PTPN4: variants seen among roughly 807,000 people sequenced by gnomAD.
The protein encoded by PTPN4 is tyrosine-protein phosphatase non-receptor type 4.
Under a neutral mutation model 135.5 loss-of-function variants are expected in PTPN4, and 49 were observed. The ratio of observed to expected loss-of-function variants is 0.36; its 90% CI spans 0.29 to 0.46. The LOEUF (loss-of-function observed/expected upper bound fraction) is 0.46, where lower values mean the gene tolerates loss of function less well. Among genes scored for constraint, PTPN4 ranks in the 20% least tolerant of loss-of-function variants. The pLI, the probability that PTPN4 is intolerant of heterozygous loss-of-function variation, is 1.00. For synonymous variants in PTPN4, 333 were observed against 369.9 expected, an observed-to-expected ratio of 0.90 and a Z score of 1.14; for missense variants, 860 against 1,101.0, an observed-to-expected ratio of 0.78 and a Z score of 3.10.
intron 18 of PTPN4, 173 bp downstream of exon 18, chr2:119,946,747 T>C: frequency 1.9e-6 from 1 of 532,790 alleles, no homozygotes; most frequent in Non-Finnish European, 3.3e-6. Flanking sequence ...ACTTGTTCTC[T>C]GTAAGTATTT....
At chr2:119,946,493 A>G in intron 17 of PTPN4, 25 bp from the exon 18 acceptor site, 1 of 1,600,128 alleles carries the variant, frequency 6.2e-7, no homozygotes, top group South Asian at 1.1e-5. Context: ...TATTTGACTA[A>G]CATTTTACTT....
intron 1 of PTPN4, among the ~76,000 whole-genome samples, chr2:119,796,956 T>C (rs1273368939): frequency 6.6e-6 from 1 of 152,174 alleles, no homozygotes; most frequent in East Asian, 1.9e-4. Context: ...CTGAGCCTAA[T>C]GTCTCATGAT....
intron 2 of PTPN4, among the ~76,000 whole-genome samples, chr2:119,852,846 TTTTTG>T (rs373301209): frequency 6.0e-4 from 91 of 152,196 alleles, no homozygotes; most frequent in African/African-American, 1.9e-3. Context: ...TCAGTGGTTT[TTTTTG>T]TTTTGTTTTG....
At chr2:119,956,991 CATT>C (rs768301237) in intron 21 of PTPN4, 22 bp from the exon 22 acceptor site, 3 of 1,605,806 alleles carry the variant, frequency 1.9e-6, no homozygotes, top group East Asian at 4.5e-5. Flanking sequence ...TTTACTAAAA[CATT>C]ATTTCTTTTA....
rs766508108 is a variant in PTPN4, at chr2:119,872,145, A to AT, written c.247-5175dup. On this transcript the variant is annotated intron_variant, in intron 3 of 26. Transcript: ENST00000263708. ...TTGTTTTTGTTATTAATTTTATTTT[A>AT]TTTAGCGTAGTGAAAGGTAAAGTTG... Among the ~76,000 whole-genome samples, 55 of 152,206 alleles carry AT rather than the reference A, an allele frequency of 3.6e-4. 1 individual carries two copies. In the Middle Eastern group the frequency reaches 0.01, roughly 28 times the overall value.
At chr2:119,819,241 A>G (rs986932398) in intron 2 of PTPN4, among the ~76,000 whole-genome samples, 1 of 152,224 alleles carries the variant, frequency 6.6e-6, no homozygotes, top group African/African-American at 2.4e-5. Flanking sequence ...CTTTTCTCCC[A>G]AAGATCATAG....
chr2:119,955,941 AAAT>A (rs1679275149), intron 20 of PTPN4, among the ~76,000 whole-genome samples: 1 of 123,684 alleles, frequency 8.1e-6, no homozygotes. Flanking sequence ...CATCTCAAAA[AAAT>A]AATAAATAAA....
At chr2:119,839,848 G>T (rs1350271191) in intron 2 of PTPN4, among the ~76,000 whole-genome samples, 1 of 152,148 alleles carries the variant, frequency 6.6e-6, no homozygotes, top group South Asian at 2.1e-4. Flanking sequence ...TCAGTATGCA[G>T]CTTGCTTAGA....
At chr2:119,884,411 C>T (rs868635532) in intron 8 of PTPN4, among the ~76,000 whole-genome samples, 1 of 152,164 alleles carries the variant, frequency 6.6e-6, no homozygotes, top group Non-Finnish European at 1.5e-5. Flanking sequence ...TAAATAGTTG[C>T]CACAGAGACT....
At chr2:119,954,749 G>A (rs539965368) in intron 19 of PTPN4, among the ~76,000 whole-genome samples, 3 of 152,252 alleles carry the variant, frequency 2.0e-5, no homozygotes, top group East Asian at 3.9e-4. Flanking sequence ...AGAGGATGAA[G>A]CATATTTTGT....
chr2:119,851,529 A>G (rs1677591353), intron 2 of PTPN4, among the ~76,000 whole-genome samples: 1 of 152,126 alleles, frequency 6.6e-6, no homozygotes, highest in Non-Finnish European at 1.5e-5. Flanking sequence ...GTCCATATGC[A>G]CAGTGCCCTT....
chr2:119,886,850 A>C (rs938994105), intron 9 of PTPN4, among the ~76,000 whole-genome samples: 1 of 152,166 alleles, frequency 6.6e-6, no homozygotes, highest in African/African-American at 2.4e-5. Context: ...AGCTTATGTC[A>C]ATCTTTCCTT....
At chr2:119,827,625 A>G (rs1261984586) in intron 2 of PTPN4, among the ~76,000 whole-genome samples, 4 of 152,186 alleles carry the variant, frequency 2.6e-5, no homozygotes, top group Non-Finnish European at 5.9e-5. Flanking sequence ...CTCCTGTGAA[A>G]CTATCACTGG....
intron 2 of PTPN4, among the ~76,000 whole-genome samples, chr2:119,815,449 C>A (rs1234450527): frequency 6.6e-6 from 1 of 152,142 alleles, no homozygotes; most frequent in Admixed American, 6.5e-5. Flanking sequence ...TGAAATTCCA[C>A]AAAATAGCAA....
chr2:119,798,733 A>C (rs756714025), intron 1 of PTPN4, among the ~76,000 whole-genome samples: 6 of 152,230 alleles, frequency 3.9e-5, no homozygotes, highest in Non-Finnish European at 7.3e-5. Flanking sequence ...AATTCACTTA[A>C]GCTTTAGGTC....
In PTPN4 at chr2:119,915,145, C is replaced by A; in HGVS notation, c.765-34C>A. 2.8e-6 allele frequency: 4 copies of A among 1,450,504 alleles called. No individual in the cohort carries two copies. The South Asian group carries it at 4.0e-5, about 15-fold the overall frequency. The allele number at this position is 1,450,504 out of a possible 1,614,324, so 89.9% of individuals were successfully genotyped here. A position where few individuals can be genotyped will look rare whatever the true frequency, so the allele number is the denominator to read the frequency against. On this transcript the variant is annotated intron_variant, in intron 10 of 26. Transcript: ENST00000263708. ...ATTTGTTAATATTTTTATCATTATT[C>A]AATACTTTGAATAATTTATTGTCTT...
chr2:119,878,417 T>C (rs1678017202), intron 5 of PTPN4, among the ~76,000 whole-genome samples: 1 of 152,156 alleles, frequency 6.6e-6, no homozygotes. Context: ...AGTGACTACA[T>C]TCAGAATTAC....
chr2:119,848,879 G>A (rs957015162), intron 2 of PTPN4, among the ~76,000 whole-genome samples: 2 of 152,086 alleles, frequency 1.3e-5, no homozygotes, highest in South Asian at 2.1e-4. Context: ...GATTACAGGC[G>A]TGAGCCACCA....
chr2:119,817,547 T>C (rs939497515), intron 2 of PTPN4, among the ~76,000 whole-genome samples: 2 of 152,172 alleles, frequency 1.3e-5, no homozygotes, highest in African/African-American at 4.8e-5. Context: ...ACTAGTACCG[T>C]ACTGTTTTTG....
Sources: gnomAD v4.1 joint callset for allele counts (sites outside exome capture counted in the v4.1 genomes callset) on GRCh38, gnomAD v4.1.1 for gene constraint, MANE v1.5 for transcripts, NCBI Gene and HGNC (gene_info 2026-07-23, HGNC 2026-07-21) for gene names.